Variants in MEF2C observed in about 807,000 individuals in gnomAD.
MEF2C encodes the protein myocyte-specific enhancer factor 2C.
A neutral mutation model predicts 50.5 loss-of-function variants in MEF2C; 6 were observed. The observed-to-expected ratio is 0.12, with a 90% confidence interval of 0.07 to 0.23. The LOEUF (loss-of-function observed/expected upper bound fraction) is 0.23, where lower values mean the gene tolerates loss of function less well. Ranked by LOEUF, MEF2C falls within the 10% of genes least tolerant of loss-of-function variation. The pLI is 1.00. For synonymous variants in MEF2C, 183 were observed against 228.0 expected (o/e 0.80, Z 1.78); for missense variants, 276 against 605.0 (o/e 0.46, Z 5.70).
At position 88,751,800 on chromosome 5, in the gene MEF2C, T is replaced by G. The variant is rs3729703; in HGVS notation, c.589+57A>C. ...CTCGTAGATAAAGCAGTGTTGGCTT[T>G]GCCGAAAATGGTTCCTTCCAACTAT... On this transcript the variant is annotated intron_variant, in intron 5 of 10. Coordinates refer to ENST00000504921, the MANE Select transcript of MEF2C (RefSeq NM_002397.5). 0.017 allele frequency: 26,227 copies of G among 1,558,746 alleles called. 286 individuals are homozygous for G. Among genetic ancestry groups the G allele is most frequent in the Non-Finnish European group, 0.021 (23,708 of 1,136,220 alleles).
intron 1 of MEF2C, among the ~76,000 whole-genome samples, chr5:88,869,257 A>ATATATG (rs1828432218): frequency 1.3e-5 from 1 of 74,622 alleles, no homozygotes. Flanking sequence ...GTTTTCATAT[A>ATATATG]TATATATATA....
chr5:88,858,146 A>G (rs1824142302), intron 1 of MEF2C, among the ~76,000 whole-genome samples: 1 of 152,170 alleles, frequency 6.6e-6, no homozygotes, highest in Admixed American at 6.5e-5. Context: ...ATGTACTTCA[A>G]ATCAACTCAA....
chr5:88,813,969 T>C (rs184138105), intron 2 of MEF2C, among the ~76,000 whole-genome samples: 4 of 152,038 alleles, frequency 2.6e-5, no homozygotes, highest in African/African-American at 9.7e-5. Context: ...CCCACCTAGA[T>C]AATCTCTCAG....
intron 1 of MEF2C, among the ~76,000 whole-genome samples, chr5:88,895,944 T>G (rs1009563132): frequency 1.3e-5 from 2 of 152,180 alleles, no homozygotes; most frequent in Non-Finnish European, 1.5e-5. Flanking sequence ...AAAGAATTCA[T>G]AATCCAAAGG....
chr5:88,830,104 A>G (rs1812457139), intron 1 of MEF2C, among the ~76,000 whole-genome samples: 1 of 152,058 alleles, frequency 6.6e-6, no homozygotes, highest in South Asian at 2.1e-4. Context: ...ATCCTGTAAC[A>G]ATAATCACCA....
At chr5:88,859,404 T>A (rs1824698499) in intron 1 of MEF2C, among the ~76,000 whole-genome samples, 1 of 152,206 alleles carries the variant, frequency 6.6e-6, no homozygotes, top group South Asian at 2.1e-4. Context: ...TGTGAAGTAT[T>A]TCCAGAATCC....
At chr5:88,794,363 T>C (rs951092270) in intron 3 of MEF2C, among the ~76,000 whole-genome samples, 3 of 152,234 alleles carry the variant, frequency 2.0e-5, no homozygotes, top group Non-Finnish European at 4.4e-5. Flanking sequence ...GTTATCTCAT[T>C]GTGCTTTTGA....
intron 1 of MEF2C, among the ~76,000 whole-genome samples, chr5:88,903,657 C>T (rs2150356028): frequency 6.6e-6 from 1 of 152,006 alleles, no homozygotes; most frequent in African/African-American, 2.4e-5. Flanking sequence ...TCTTCATCTT[C>T]CAAATATTGA....
At chr5:88,838,887 A>G (rs1185090980) in intron 1 of MEF2C, among the ~76,000 whole-genome samples, 2 of 152,118 alleles carry the variant, frequency 1.3e-5, no homozygotes, top group African/African-American at 4.8e-5. Flanking sequence ...TCTGAGTTTA[A>G]TTGTGCAATT....
chr5:88,832,531 T>C (rs1813462741), intron 1 of MEF2C, among the ~76,000 whole-genome samples: 1 of 152,134 alleles, frequency 6.6e-6, no homozygotes, highest in Non-Finnish European at 1.5e-5. Flanking sequence ...CCTCAGGATT[T>C]AGAGCTCATT....
chr5:88,748,283 C>T (rs1358006407), intron 6 of MEF2C: 19 of 743,830 alleles, frequency 2.6e-5, no homozygotes, highest in Non-Finnish European at 2.8e-5. Flanking sequence ...TCAAACATAA[C>T]CTTGTGTCAT....
intron 1 of MEF2C, among the ~76,000 whole-genome samples, chr5:88,843,129 C>T (rs992859434): frequency 2.0e-5 from 3 of 151,286 alleles, no homozygotes; most frequent in Admixed American, 6.6e-5. Flanking sequence ...CTTGTCAACC[C>T]TAACGTTTTT....
At chr5:88,805,823 C>CTTTTT (rs869224140) in intron 2 of MEF2C, among the ~76,000 whole-genome samples, 10 of 61,554 alleles carry the variant, frequency 1.6e-4, no homozygotes, top group Non-Finnish European at 2.1e-4. Flanking sequence ...CGTGAACATT[C>CTTTTT]TTTTTTTTTT....
intron 3 of MEF2C, among the ~76,000 whole-genome samples, chr5:88,765,512 C>G (rs1194935205): frequency 6.6e-6 from 1 of 152,144 alleles, no homozygotes; most frequent in East Asian, 1.9e-4. Context: ...TTAGATTCAG[C>G]CAAGTCTGTC....
chr5:88,778,773 T>A (rs1423683782), intron 3 of MEF2C, among the ~76,000 whole-genome samples: 2 of 152,194 alleles, frequency 1.3e-5, no homozygotes, highest in Admixed American at 1.3e-4. Flanking sequence ...TAAGATGTGA[T>A]CTTCTAAAGT....
intron 1 of MEF2C, among the ~76,000 whole-genome samples, chr5:88,831,596 G>T (rs1323271240): frequency 3.9e-5 from 6 of 151,944 alleles, no homozygotes. Flanking sequence ...TGTTATTTAA[G>T]TGGAATGTCA....
intron 6 of MEF2C, chr5:88,739,003 A>G (rs1387064141): frequency 7.1e-6 from 7 of 980,418 alleles, no homozygotes; most frequent in Non-Finnish European, 8.5e-6. Flanking sequence ...AGATTTTGTA[A>G]TATTTTAGTC....
intron 3 of MEF2C, chr5:88,780,679 A>T: frequency 1.2e-6 from 1 of 804,922 alleles, no homozygotes; most frequent in African/African-American, 1.9e-5. Flanking sequence ...TATATATTTC[A>T]CTGTTAACAA....
At chr5:88,781,424 C>T in intron 3 of MEF2C, among the ~76,000 whole-genome samples, 1 of 152,056 alleles carries the variant, frequency 6.6e-6, no homozygotes, top group East Asian at 1.9e-4. Context: ...TTTATTATCC[C>T]TTTTTTACTG....
Sources: allele counts gnomAD v4.1 joint callset (sites outside exome capture counted in the v4.1 genomes callset), GRCh38; gene constraint gnomAD v4.1.1; transcripts MANE v1.5; gene names NCBI Gene and HGNC (gene_info 2026-07-23, HGNC 2026-07-21).